Variants in KLRG1 observed in about 807,000 individuals in gnomAD.
KLRG1 encodes killer cell lectin like receptor G1.
A neutral mutation model predicts 21.8 loss-of-function variants in KLRG1; 16 were observed. The observed-to-expected ratio is 0.73, with a 90% CI of 0.50 to 1.11. KLRG1 has a LOEUF of 1.11. KLRG1 is among the 50% of genes most tolerant of loss of function. KLRG1 has a pLI of 0.00. For missense variants in KLRG1, 173 were observed against 218.3 expected, an observed-to-expected ratio of 0.79 and a Z score of 1.31; for synonymous variants, 69 against 75.9, an observed-to-expected ratio of 0.91 and a Z score of 0.47.
At chr12:9,154,596 A>G in the KLRG1 span, 1 of 1,607,928 alleles carries the variant, frequency 6.2e-7, no homozygotes, top group Non-Finnish European at 8.5e-7. Context: ...GGAGCAGAAG[A>G]CTCTTTGGGA....
chr12:8,973,172 A>G (rs1272142144), intron 1 of KLRG1, among the ~76,000 whole-genome samples: 71 of 67,574 alleles, frequency 1.1e-3, no homozygotes, highest in Non-Finnish European at 1.4e-3. Flanking sequence ...AGAAAAAAAA[A>G]AAAAAAAAAA....
At chr12:8,994,433 A>G (rs1280571696) in intron 2 of KLRG1, among the ~76,000 whole-genome samples, 1 of 152,170 alleles carries the variant, frequency 6.6e-6, no homozygotes, top group Non-Finnish European at 1.5e-5. Context: ...TCCGTATTTA[A>G]AAGAGCTCGG....
chr12:9,068,250 A>C, the KLRG1 span: 1 of 1,600,616 alleles, frequency 6.2e-7, no homozygotes, highest in Non-Finnish European at 8.5e-7. Flanking sequence ...CCAACAAAAA[A>C]CCAGAAATCA....
intron 1 of KLRG1, among the ~76,000 whole-genome samples, chr12:8,991,581 G>A (rs1254099202): frequency 6.6e-6 from 1 of 152,018 alleles, no homozygotes; most frequent in African/African-American, 2.4e-5. Flanking sequence ...TGTGCTTGCA[G>A]AGATATTTGT....
chr12:9,178,566 C>T, the KLRG1 span, among the ~76,000 whole-genome samples: 7 of 152,108 alleles, frequency 4.6e-5, no homozygotes, highest in South Asian at 2.1e-4. Context: ...CCAAGATCTA[C>T]GGTAAGAACG....
At chr12:8,965,130 TCAA>T (rs1946446800) in intron 1 of KLRG1, among the ~76,000 whole-genome samples, 1 of 152,162 alleles carries the variant, frequency 6.6e-6, no homozygotes, top group African/African-American at 2.4e-5. Flanking sequence ...TTGACAAAAT[TCAA>T]CAACACTTCA....
At position 8,989,551 on chromosome 12, in the gene KLRG1, T is replaced by C. The variant is rs761611532; in HGVS notation, c.-85T>C. The C allele has an allele frequency of 1.2e-6, 1 of 813,066 alleles. No homozygotes were observed. Among genetic ancestry groups the C allele is most frequent in the African/African-American group, 1.7e-5 (1 of 57,372 alleles). 50.4% of individuals were successfully genotyped at this position (813,066 alleles called of 1,614,324 possible). On this transcript the variant is annotated 5_prime_UTR_variant, in exon 1 of 5. Coordinates refer to ENST00000356986, the MANE Select transcript of KLRG1 (RefSeq NM_005810.4). The stretch of plus-strand genomic sequence containing the variant: ...AAGTTTCCTGCTAGCAGTTTAGAGA[T>C]TGGGCTGTTTCCTCACTGATACATA...
the KLRG1 span, chr12:9,058,112 G>A: frequency 8.5e-5 from 13 of 152,220 alleles, no homozygotes; most frequent in South Asian, 2.7e-3. Flanking sequence ...TACATCAGGG[G>A]CTGTTCTTTT....
the KLRG1 span, among the ~76,000 whole-genome samples, chr12:9,023,071 T>C: frequency 1.2e-4 from 19 of 152,300 alleles, no homozygotes; most frequent in African/African-American, 4.1e-4. Context: ...ATCCAGCAAA[T>C]TGGACCTGAG....
the KLRG1 span, chr12:9,157,402 C>A: frequency 6.5e-7 from 1 of 1,536,410 alleles, no homozygotes; most frequent in Non-Finnish European, 8.9e-7. Context: ...GAATAGAGGG[C>A]AGAGCAAGCT....
At chr12:9,109,000 C>T in the KLRG1 span, among the ~76,000 whole-genome samples, 1 of 151,076 alleles carries the variant, frequency 6.6e-6, no homozygotes, top group East Asian at 1.9e-4. Flanking sequence ...TAAGGCAGAA[C>T]CAATACCCTT....
intron 1 of KLRG1, among the ~76,000 whole-genome samples, chr12:8,980,080 T>A (rs751484053): frequency 6.6e-6 from 1 of 152,154 alleles, no homozygotes; most frequent in East Asian, 1.9e-4. Context: ...TTTGTATTTT[T>A]AGTAGAGACA....
At chr12:9,018,773 TTAAA>T in the KLRG1 span, among the ~76,000 whole-genome samples, 1 of 150,602 alleles carries the variant, frequency 6.6e-6, no homozygotes, top group African/African-American at 2.4e-5. Flanking sequence ...TATACAAAAA[TTAAA>T]TAAAATTGGA....
chr12:8,953,056 C>T (rs892958346), intron 1 of KLRG1, among the ~76,000 whole-genome samples: 1 of 148,946 alleles, frequency 6.7e-6, no homozygotes, highest in African/African-American at 2.4e-5. Context: ...CACCCCCCCC[C>T]CGCAAAACCC....
chr12:9,028,494 A>G, the KLRG1 span, among the ~76,000 whole-genome samples: 3 of 145,504 alleles, frequency 2.1e-5, no homozygotes, highest in South Asian at 6.5e-4. Context: ...CCCAGACTGG[A>G]GTGCAGTGGC....
At chr12:8,976,434 T>C (rs1018331044) in intron 1 of KLRG1, among the ~76,000 whole-genome samples, 1 of 152,248 alleles carries the variant, frequency 6.6e-6, no homozygotes, top group Non-Finnish European at 1.5e-5. Context: ...AATATTTTTC[T>C]GTTGTTGGGT....
intron 1 of KLRG1, 105 bp downstream of exon 1, chr12:8,989,822 A>G: frequency 2.9e-6 from 2 of 686,710 alleles, no homozygotes; most frequent in Admixed American, 5.2e-5. Flanking sequence ...AGAATTGAGG[A>G]TAATTTGAGG....
intron 1 of KLRG1, 112 bp downstream of exon 1, chr12:8,989,829 G>A (rs1412662405): frequency 7.5e-6 from 5 of 664,970 alleles, no homozygotes; most frequent in Admixed American, 5.4e-5. Flanking sequence ...AGGATAATTT[G>A]AGGAAATACT....
the KLRG1 span, among the ~76,000 whole-genome samples, chr12:9,081,808 G>A: frequency 1.3e-5 from 2 of 152,246 alleles, no homozygotes; most frequent in East Asian, 1.9e-4. Flanking sequence ...AACACAGGAA[G>A]TAATGAGGTC....
Sources: gnomAD v4.1 joint callset for allele counts (sites outside exome capture counted in the v4.1 genomes callset) on GRCh38, gnomAD v4.1.1 for gene constraint, MANE v1.5 for transcripts, NCBI Gene and HGNC (gene_info 2026-07-23, HGNC 2026-07-21) for gene names.